The following RCC2 variants were observed in gnomAD, a reference collection of about 807,000 sequenced individuals.
RCC2 encodes protein RCC2.
Under a neutral mutation model 64.1 loss-of-function variants are expected in RCC2, and 19 were observed. That is an observed-to-expected ratio of 0.30 (90% CI 0.21 to 0.44). The LOEUF (loss-of-function observed/expected upper bound fraction) is 0.44, where lower values mean the gene tolerates loss of function less well. RCC2 is among the 20% of genes least tolerant of loss of function. The pLI is 1.00. For missense variants in RCC2, 508 were observed against 710.4 expected, an observed-to-expected ratio of 0.72 and a Z score of 3.24; for synonymous variants, 325 against 279.6, an observed-to-expected ratio of 1.16 and a Z score of -1.62.
At chr1:17,417,850 G>A (rs2100363660) in intron 7 of RCC2, among the ~76,000 whole-genome samples, 1 of 152,008 alleles carries the variant, frequency 6.6e-6, no homozygotes, top group South Asian at 2.1e-4. Flanking sequence ...CATGGCCACA[G>A]GTTCAACCAA....
At chr1:17,424,879 A>G (rs761122885) in intron 4 of RCC2, among the ~76,000 whole-genome samples, 2 of 152,238 alleles carry the variant, frequency 1.3e-5, no homozygotes, top group African/African-American at 2.4e-5. Context: ...GGCCGGCTGC[A>G]GAGGACAGTG....
intron 3 of RCC2, among the ~76,000 whole-genome samples, chr1:17,427,639 C>T (rs1374353095): frequency 2.0e-5 from 3 of 152,064 alleles, no homozygotes; most frequent in South Asian, 2.1e-4. Context: ...GGCCACGGGA[C>T]GCCAGGCAAG....
In RCC2 at chr1:17,422,742, A is replaced by G. The variant is rs780464474; in HGVS notation, c.618T>C (p.Ser206=). Residue 206 remains serine (S), a synonymous_variant, in exon 5 of 13, where the codon TCT becomes TCC. Transcript: ENST00000375436. ...AGGTGTGGTTCCGCCCACATGCTGC[A>G]GACACAATCACTTCGTGGCTAAGAC... ...IEGLSHEVIV[S]AACGRNHTLA... 1.2e-5 allele frequency: 19 copies of G among 1,614,076 alleles called. No individual in the cohort carries two copies. The highest frequency in any genetic ancestry group is 1.6e-5 in the Non-Finnish European group (19 of 1,180,036).
At chr1:17,431,049 T>C (rs888226435) in intron 2 of RCC2, among the ~76,000 whole-genome samples, 1 of 151,002 alleles carries the variant, frequency 6.6e-6, no homozygotes, top group African/African-American at 2.4e-5. Flanking sequence ...AATGTATTTG[T>C]TGGCCAGGCG....
chr1:17,411,418 A>T (rs1384431373), intron 11 of RCC2, among the ~76,000 whole-genome samples: 1 of 152,174 alleles, frequency 6.6e-6, no homozygotes, highest in Non-Finnish European at 1.5e-5. Flanking sequence ...TCTACCAAAA[A>T]TACAAAAATT....
intron 8 of RCC2, 27 bp downstream of exon 8, chr1:17,416,453 C>T: frequency 6.3e-7 from 1 of 1,594,124 alleles, no homozygotes; most frequent in South Asian, 1.1e-5. Flanking sequence ...GTGCGACTCT[C>T]AGGAAGTGAG....
chr1:17,420,004 T>C (rs2075536997), intron 7 of RCC2, among the ~76,000 whole-genome samples: 1 of 152,104 alleles, frequency 6.6e-6, no homozygotes, highest in Admixed American at 6.5e-5. Context: ...GCGCTGCGGC[T>C]GCAGGAGCGC....
At chr1:17,413,204 A>G (rs1253524681) in intron 9 of RCC2, 26 bp from the exon 10 acceptor site, 2 of 1,505,306 alleles carry the variant, frequency 1.3e-6, no homozygotes, top group Non-Finnish European at 1.8e-6. Context: ...ACATGTTCCC[A>G]GCGTGACCAG....
chr1:17,420,221 A>T (rs544501815), intron 7 of RCC2, among the ~76,000 whole-genome samples: 1 of 152,174 alleles, frequency 6.6e-6, no homozygotes, highest in Non-Finnish European at 1.5e-5. Context: ...CACCAATGAG[A>T]TCGAAGAAAC....
chr1:17,411,911 G>C (rs2075430977), intron 11 of RCC2, among the ~76,000 whole-genome samples: 1 of 152,210 alleles, frequency 6.6e-6, no homozygotes. Context: ...GTTTACAAAT[G>C]TGCAGAGATG....
rs2075450638 is a variant in RCC2 at position 17,413,648 on chromosome 1, C to T, written c.1096G>A (p.Glu366Lys). The T allele has an allele frequency of 6.2e-7, 1 of 1,614,214 alleles. No individual in the cohort carries two copies. Among genetic ancestry groups the T allele is most frequent in the Non-Finnish European group, 8.5e-7 (1 of 1,180,030 alleles). ...FGGYGRLGHAEQKDEMVPRLV... is the reference protein window; with the variant it reads ...FGGYGRLGHAKQKDEMVPRLV... ...CGGGGGACCATCTCATCCTTCTGCT[C>T]TGCGTGGCCCAGCCGGCCATAGCCA... Residue 366 changes from glutamate to lysine, a missense_variant, in exon 9 of 13, where the codon GAG becomes AAG. Coordinates refer to ENST00000375436, the MANE Select transcript of RCC2 (RefSeq NM_018715.4).
intron 9 of RCC2, 91 bp from the exon 10 acceptor site, chr1:17,413,269 TG>T: frequency 9.9e-7 from 1 of 1,010,902 alleles, no homozygotes; most frequent in Non-Finnish European, 1.5e-6. Context: ...GAGGACGGGA[TG>T]GCAAACAAGT....
In RCC2 at chr1:17,438,299, C is replaced by A. The variant is rs368819016; in HGVS notation, c.216G>T (p.Pro72=). The change falls in exon 2 of 13, where the codon CCG becomes CCT. Residue 72 remains proline (P), a synonymous_variant. Transcript: ENST00000375436. ...CGCCGCCCGCCTTGCCTGCTGTCGCCGGCCGCGCCGCGCGCTTGCCCCCGC... is the reference window on the plus strand; with the variant it reads ...CGCCGCCCGCCTTGCCTGCTGTCGCAGGCCGCGCCGCGCGCTTGCCCCCGC... ...APGGGKRAAR[P]ATAGKAGGAA... The A allele has an allele frequency of 5.9e-3, 7,436 of 1,253,660 alleles. 49 individuals are homozygous for A. The highest frequency in any genetic ancestry group is 8.3e-3 in the Admixed American group (217 of 26,120). The allele number at this position is 1,253,660 out of a possible 1,614,324, so 77.7% of individuals were successfully genotyped here.
chr1:17,428,093 C>T (rs890273663), intron 3 of RCC2, among the ~76,000 whole-genome samples: 3 of 152,234 alleles, frequency 2.0e-5, no homozygotes, highest in Non-Finnish European at 4.4e-5. Flanking sequence ...CCCTGCCACT[C>T]GCTTCCTTTG....
intron 2 of RCC2, among the ~76,000 whole-genome samples, chr1:17,433,006 A>T (rs571839230): frequency 1.3e-5 from 2 of 152,138 alleles, no homozygotes; most frequent in South Asian, 4.2e-4. Flanking sequence ...ATATACACTC[A>T]CACACACATA....
chr1:17,428,035 T>A (rs143464581), intron 3 of RCC2, among the ~76,000 whole-genome samples: 3 of 152,280 alleles, frequency 2.0e-5, no homozygotes, highest in African/African-American at 7.2e-5. Context: ...GCAACATACA[T>A]GCGCGGGAGG....
Position 17,429,100 on chromosome 1 carries a change from T to G in RCC2, c.379+6A>C, listed in dbSNP as rs1350276010. The G allele has an allele frequency of 6.2e-6, 10 of 1,612,244 alleles. No individual in the cohort carries two copies. Among genetic ancestry groups the G allele is most frequent in the Non-Finnish European group, 8.5e-6 (10 of 1,178,382 alleles). ...TCAATGGGTTTTTGAGGCACCATTC[T>G]CATACCTTGCTGTTTAGGCACTTCT... On this transcript the variant is annotated splice_donor_region_variant and intron_variant, in intron 3 of 12. Coordinates refer to ENST00000375436, the MANE Select transcript of RCC2 (RefSeq NM_018715.4).
rs888981432 is a variant in RCC2 at position 17,429,087 on chromosome 1, T to C, written c.379+19A>G. 1.9e-6 allele frequency: 3 copies of C among 1,597,902 alleles called. No homozygotes were observed. Among genetic ancestry groups the C allele is most frequent in the Admixed American group, 3.3e-5 (2 of 59,986 alleles). ...ACTTAAGAAGCACTCAATGGGTTTT[T>C]GAGGCACCATTCTCATACCTTGCTG... On this transcript the variant is annotated intron_variant, in intron 3 of 12. Transcript: ENST00000375436.
rs755834719 is a variant in RCC2, at chr1:17,416,498, G to C, written c.1008C>G (p.Ala336=). 3 of 1,612,402 alleles carry C rather than the reference G, an allele frequency of 1.9e-6. No individual in the cohort carries two copies. The highest frequency in any genetic ancestry group is 1.3e-5 in the African/African-American group (1 of 74,892). ...PVPNVVVRDV[A]CGANHTLVLD... The stretch of plus-strand genomic sequence containing the variant: ...GCCTCACCGTGTGGTTAGCGCCACA[G>C]GCCACGTCTCGTACAACCACGTTTG... Residue 336 remains alanine (A), a synonymous_variant, in exon 8 of 13, where the codon GCC becomes GCG. Transcript: ENST00000375436.
Sources: gnomAD v4.1 joint callset for allele counts (sites outside exome capture counted in the v4.1 genomes callset) on GRCh38, gnomAD v4.1.1 for gene constraint, MANE v1.5 for transcripts, NCBI Gene and HGNC (gene_info 2026-07-23, HGNC 2026-07-21) for gene names.